Variants in MALRD1 observed in about 807,000 individuals in gnomAD.
The protein encoded by MALRD1 is MAM and LDL-receptor class A domain-containing protein 1.
Under a neutral mutation model 242.1 loss-of-function variants are expected in MALRD1, and 247 were observed. The observed-to-expected ratio is 1.02, with a 90% CI of 0.92 to 1.13. The LOEUF (loss-of-function observed/expected upper bound fraction) is 1.13, where lower values mean the gene tolerates loss of function less well. MALRD1 is among the 50% of genes most tolerant of loss of function. The probability of loss-of-function intolerance (pLI) is 0.00; values close to 1 mark genes in which losing one functional copy is unlikely to be tolerated. For synonymous variants in MALRD1, 995 were observed against 866.6 expected (o/e 1.15, Z -2.60); for missense variants, 2,989 against 2,533.1 (o/e 1.18, Z -3.86).
chr10:19,611,025 A>T (rs889449083), intron 35 of MALRD1, among the ~76,000 whole-genome samples: 1 of 151,908 alleles, frequency 6.6e-6, no homozygotes, highest in Non-Finnish European at 1.5e-5. Flanking sequence ...CGAGGAAACT[A>T]GGTTTCATAG....
At chr10:19,076,413 A>G (rs1016115413) in intron 2 of MALRD1, among the ~76,000 whole-genome samples, 3 of 151,888 alleles carry the variant, frequency 2.0e-5, no homozygotes, top group Non-Finnish European at 4.4e-5. Context: ...ATAGACTTAC[A>G]CTTACAGTTC....
At chr10:19,184,340 A>T (rs562864638) in intron 14 of MALRD1, among the ~76,000 whole-genome samples, 7 of 152,310 alleles carry the variant, frequency 4.6e-5, no homozygotes, top group African/African-American at 1.7e-4. Flanking sequence ...GCCAGTACCT[A>T]GGTGTCTTCC....
intron 29 of MALRD1, among the ~76,000 whole-genome samples, chr10:19,456,235 C>G (rs996387637): frequency 3.9e-5 from 6 of 151,998 alleles, no homozygotes; most frequent in Middle Eastern, 3.2e-3. Flanking sequence ...AAAAAAATAC[C>G]TTGAGGGTAA....
intron 14 of MALRD1, among the ~76,000 whole-genome samples, chr10:19,175,538 A>C (rs1835196074): frequency 6.7e-6 from 1 of 150,262 alleles, no homozygotes; most frequent in African/African-American, 2.4e-5. Context: ...GTAATATGGA[A>C]AATATTCTAT....
At chr10:19,628,838 G>T (rs1302848852) in intron 36 of MALRD1, among the ~76,000 whole-genome samples, 1 of 152,188 alleles carries the variant, frequency 6.6e-6, no homozygotes, top group Non-Finnish European at 1.5e-5. Context: ...GGCAGAGTCA[G>T]TTGGCTGCTT....
chr10:19,237,989 A>G (rs1452033706), intron 18 of MALRD1, among the ~76,000 whole-genome samples: 1 of 113,660 alleles, frequency 8.8e-6, no homozygotes. Flanking sequence ...AATTATATGT[A>G]ATTTTATACA....
intron 32 of MALRD1, among the ~76,000 whole-genome samples, chr10:19,561,507 G>A (rs1024958693): frequency 4.6e-5 from 7 of 152,128 alleles, no homozygotes; most frequent in East Asian, 1.9e-4. Context: ...CTCAAATGAT[G>A]CTCTGTTGTT....
At chr10:19,664,862 CA>C (rs1841607200) in intron 36 of MALRD1, among the ~76,000 whole-genome samples, 1 of 151,854 alleles carries the variant, frequency 6.6e-6, no homozygotes, top group Admixed American at 6.6e-5. Context: ...TTATCATGAC[CA>C]TTTTTTTGCA....
intron 14 of MALRD1, among the ~76,000 whole-genome samples, chr10:19,200,664 T>TG (rs1836489420): frequency 7.9e-6 from 1 of 126,392 alleles, no homozygotes. Context: ...TTTTTTTTTT[T>TG]TTTTTTTGGC....
chr10:19,444,858 C>G (rs548722496), intron 28 of MALRD1, among the ~76,000 whole-genome samples: 39 of 152,288 alleles, frequency 2.6e-4, no homozygotes, highest in African/African-American at 8.7e-4. Flanking sequence ...GTTGGCCTGC[C>G]TTGCTAGGTT....
intron 29 of MALRD1, among the ~76,000 whole-genome samples, chr10:19,489,687 A>T (rs546789447): frequency 5.3e-4 from 81 of 152,302 alleles, no homozygotes; most frequent in African/African-American, 1.9e-3. Context: ...TTAACATTGC[A>T]TCGGTGGGGG....
rs7922928 is a variant in MALRD1 at position 19,134,211 on chromosome 10, C to T, written c.1203+263C>T. The stretch of plus-strand genomic sequence containing the variant: ...GCAGCCTTCCTTTCTTGCTCCCCAG[C>T]ACCATGCTGTGCCCCAGGGAAACAA... On this transcript the variant is annotated intron_variant, in intron 9 of 39. Transcript: ENST00000454679. 3.2e-3 allele frequency among the ~76,000 whole-genome samples: 480 copies of T among 152,266 alleles called. 2 individuals are homozygous for T. Among genetic ancestry groups the T allele is most frequent in the African/African-American group, 0.011 (443 of 41,544 alleles).
At chr10:19,264,014 A>T (rs904499023) in intron 19 of MALRD1, among the ~76,000 whole-genome samples, 1 of 152,166 alleles carries the variant, frequency 6.6e-6, no homozygotes, top group Non-Finnish European at 1.5e-5. Context: ...GTGTGATGTT[A>T]ACTTTGGGCT....
intron 18 of MALRD1, among the ~76,000 whole-genome samples, chr10:19,247,837 T>G (rs1839131257): frequency 1.3e-5 from 2 of 151,816 alleles, no homozygotes; most frequent in South Asian, 2.1e-4. Flanking sequence ...AAATAAAAAC[T>G]TAACCGACGT....
intron 18 of MALRD1, among the ~76,000 whole-genome samples, chr10:19,241,273 G>C (rs183151445): frequency 6.6e-6 from 1 of 152,052 alleles, no homozygotes; most frequent in Admixed American, 6.6e-5. Flanking sequence ...GATGTGTTCA[G>C]ATGTTATATT....
At chr10:19,379,340 T>A (rs180713793) in intron 26 of MALRD1, among the ~76,000 whole-genome samples, 88 of 152,264 alleles carry the variant, frequency 5.8e-4, no homozygotes, top group African/African-American at 1.9e-3. Context: ...CTACTTATTT[T>A]GTGATAAATT....
At chr10:19,278,836 C>A (rs1002546302) in intron 19 of MALRD1, among the ~76,000 whole-genome samples, 4 of 151,916 alleles carry the variant, frequency 2.6e-5, no homozygotes, top group Admixed American at 2.6e-4. Flanking sequence ...ATATAATAAG[C>A]AAATGATATA....
intron 28 of MALRD1, among the ~76,000 whole-genome samples, chr10:19,408,711 C>T (rs949603672): frequency 6.6e-6 from 1 of 152,006 alleles, no homozygotes; most frequent in Non-Finnish European, 1.5e-5. Flanking sequence ...CAAGGTAAAT[C>T]CACAGTGAGA....
chr10:19,380,097 C>T (rs571186613), intron 26 of MALRD1, among the ~76,000 whole-genome samples: 2 of 151,274 alleles, frequency 1.3e-5, no homozygotes, highest in African/African-American at 4.8e-5. Context: ...GCCTTAGCCT[C>T]CCAAGTAGCT....
Sources: gnomAD v4.1 joint callset for allele counts (sites outside exome capture counted in the v4.1 genomes callset) on GRCh38, gnomAD v4.1.1 for gene constraint, MANE v1.5 for transcripts, NCBI Gene and HGNC (gene_info 2026-07-23, HGNC 2026-07-21) for gene names.